Variants in OTOGL observed in about 807,000 individuals in gnomAD.
OTOGL encodes the protein otogelin-like protein.
Under a neutral mutation model 318.5 loss-of-function variants are expected in OTOGL, and 285 were observed. The ratio of observed to expected loss-of-function variants is 0.89; its 90% CI spans 0.81 to 0.99. OTOGL has a LOEUF of 0.99. Among genes scored for constraint, OTOGL ranks in the 50% least tolerant of loss-of-function variants. The pLI, the probability that OTOGL is intolerant of heterozygous loss-of-function variation, is 0.00. For synonymous variants in OTOGL, 987 were observed against 936.5 expected (o/e 1.05, Z -0.99); for missense variants, 2,899 against 2,845.6 (o/e 1.02, Z -0.43).
chr12:80,207,376 T>C (rs930760374), intron 1 of OTOGL, among the ~76,000 whole-genome samples: 2 of 152,098 alleles, frequency 1.3e-5, no homozygotes, highest in Non-Finnish European at 2.9e-5. Context: ...TATTTTGTTT[T>C]GTATTTTTAG....
At chr12:80,323,509 T>C (rs757136818) in intron 34 of OTOGL, among the ~76,000 whole-genome samples, 3 of 151,962 alleles carry the variant, frequency 2.0e-5, no homozygotes, top group Non-Finnish European at 4.4e-5. Context: ...ATTAACTGGG[T>C]GTGGTGGCAT....
intron 25 of OTOGL, among the ~76,000 whole-genome samples, chr12:80,278,653 T>C (rs1330304101): frequency 1.3e-5 from 2 of 151,572 alleles, no homozygotes; most frequent in East Asian, 1.9e-4. Context: ...CCCTAAAATA[T>C]GGACAAAGAT....
At chr12:80,144,305 G>A (rs1390771093) in intron 1 of OTOGL, among the ~76,000 whole-genome samples, 1 of 151,630 alleles carries the variant, frequency 6.6e-6, no homozygotes, top group Non-Finnish European at 1.5e-5. Flanking sequence ...AATATGCGGT[G>A]TTTGGTTTTT....
At chr12:80,136,362 G>A (rs911864875) in intron 1 of OTOGL, among the ~76,000 whole-genome samples, 11 of 152,106 alleles carry the variant, frequency 7.2e-5, no homozygotes, top group South Asian at 2.1e-4. Context: ...CCTTTGCTCC[G>A]CTATTCTGGT....
chr12:80,347,914 G>A (rs1245195762), intron 44 of OTOGL, among the ~76,000 whole-genome samples: 2 of 152,158 alleles, frequency 1.3e-5, no homozygotes, highest in Non-Finnish European at 2.9e-5. Context: ...CCGCATAAAT[G>A]TCTTCTTTTG....
At chr12:80,296,537 A>C (rs1356335623) in intron 26 of OTOGL, among the ~76,000 whole-genome samples, 1 of 152,200 alleles carries the variant, frequency 6.6e-6, no homozygotes, top group Non-Finnish European at 1.5e-5. Flanking sequence ...TTATTTATTG[A>C]TAAATAAAAT....
chr12:80,110,063 CT>C (rs1436952147), intron 1 of OTOGL, among the ~76,000 whole-genome samples: 15 of 132,554 alleles, frequency 1.1e-4, no homozygotes, highest in Non-Finnish European at 2.1e-4. Context: ...TTTTTTCTTT[CT>C]TTCTTTTTTT....
At chr12:80,361,116 G>A (rs1252732923) in intron 52 of OTOGL, 1 of 150,914 alleles carries the variant, frequency 6.6e-6, no homozygotes, top group Non-Finnish European at 1.5e-5. Context: ...GCATCCTTTG[G>A]CCAACATGTC....
intron 8 of OTOGL, among the ~76,000 whole-genome samples, chr12:80,230,459 G>C (rs1211855011): frequency 1.3e-5 from 2 of 152,122 alleles, no homozygotes; most frequent in Non-Finnish European, 2.9e-5. Flanking sequence ...TAGTCATTTA[G>C]GATTCTCTAT....
chr12:80,156,648 G>A lies in OTOGL; in HGVS notation c.-19-52765G>A, dbSNP rs115024308. Among the ~76,000 whole-genome samples the A allele has an allele frequency of 3.5e-3, 529 of 152,232 alleles. 4 individuals carry two copies. Among genetic ancestry groups the A allele is most frequent in the African/African-American group, 0.012 (506 of 41,530 alleles). ...TCATGAGATCTGATCATTTTATAAC[G>A]AGGAGTTCCCCAGCACAAATTCCCT... On this transcript the variant is annotated intron_variant, in intron 1 of 58. Transcript: ENST00000547103.
chr12:80,253,558 C>A lies in OTOGL; in HGVS notation c.1378C>A (p.Gln460Lys), dbSNP rs1352234401. The change falls in exon 14 of 59, where the codon CAA becomes AAA. Residue 460 changes from glutamine to lysine, a missense_variant. This residue lies in a region of OTOGL where 2,607 missense variants were observed against 2,524.9 expected (regional missense o/e 1.03). Coordinates refer to ENST00000547103, the MANE Select transcript of OTOGL (RefSeq NM_001378609.3). ...TTATTCAGTTGGTTCAAAAATTGAA[C>A]AAGAATGTACTGAATGGTATGTGAT... Reference protein sequence around the residue: ...LAYSVGSKIEQECTECVCVGG... With the variant: ...LAYSVGSKIEKECTECVCVGG... 1.9e-6 allele frequency: 3 copies of A among 1,608,384 alleles called. No individual in the cohort carries two copies. The highest frequency in any genetic ancestry group is 4.5e-5 in the East Asian group (2 of 44,822).
rs1889799791 is a variant in OTOGL, at chr12:80,355,224, C to CTTTCTTTTTTTTTTTTTTTTTT, written c.5594-509_5594-508insCTTTTTTTTTTTTTTTTTTTTT. ...ACTTTTTTCTTTTCTTTCTTTCTTT[C>CTTTCTTTTTTTTTTTTTTTTTT]TTTTCTTTTTTTTTTTTTTTTTTTG... On this transcript the variant is annotated intron_variant, in intron 46 of 58. Transcript: ENST00000547103. Among the ~76,000 whole-genome samples the CTTTCTTTTTTTTTTTTTTTTTT allele has an allele frequency of 3.0e-5, 2 of 65,602 alleles. 1 individual carries two copies. Among genetic ancestry groups the CTTTCTTTTTTTTTTTTTTTTTT allele is most frequent in the African/African-American group, 1.2e-4 (2 of 16,554 alleles). 43.0% of individuals were successfully genotyped at this position (65,602 alleles called of 152,430 possible).
intron 27 of OTOGL, among the ~76,000 whole-genome samples, chr12:80,300,631 T>C (rs1040783958): frequency 6.6e-6 from 1 of 152,102 alleles, no homozygotes; most frequent in Non-Finnish European, 1.5e-5. Context: ...AGAAGAGCAT[T>C]GTGCTGTCTT....
chr12:80,229,149 G>C, intron 7 of OTOGL, 108 bp from the exon 8 acceptor site: 2 of 1,253,378 alleles, frequency 1.6e-6, no homozygotes, highest in Non-Finnish European at 2.2e-6. Flanking sequence ...ACGTTGTAAA[G>C]TGTCATGGGA....
intron 32 of OTOGL, among the ~76,000 whole-genome samples, chr12:80,315,519 A>G (rs1024664280): frequency 6.6e-6 from 1 of 152,158 alleles, no homozygotes; most frequent in Non-Finnish European, 1.5e-5. Context: ...CTCAAAACCT[A>G]ATTCAGACAA....
intron 1 of OTOGL, chr12:80,133,662 GA>G (rs1220083266): frequency 1.0e-4 from 15 of 147,610 alleles, no homozygotes; most frequent in East Asian, 2.0e-4. Flanking sequence ...GTGTGATCAA[GA>G]AAAAAAAAAG....
intron 57 of OTOGL, among the ~76,000 whole-genome samples, chr12:80,376,075 A>G (rs1480079943): frequency 1.3e-5 from 2 of 152,090 alleles, no homozygotes; most frequent in Non-Finnish European, 2.9e-5. Context: ...TTTAAAAAAA[A>G]GAGGACAGAG....
intron 1 of OTOGL, among the ~76,000 whole-genome samples, chr12:80,166,371 T>C (rs1262817417): frequency 6.6e-6 from 1 of 152,196 alleles, no homozygotes; most frequent in Non-Finnish European, 1.5e-5. Context: ...TTTTCACAAA[T>C]TATTTTCATT....
At chr12:80,356,680 A>G (rs1592750875) in intron 48 of OTOGL, 127 bp from the exon 49 acceptor site, 1 of 589,380 alleles carries the variant, frequency 1.7e-6, no homozygotes, top group South Asian at 4.3e-5. Context: ...TTTCATATAT[A>G]TGTATATATA....
Sources: gnomAD v4.1 joint callset for allele counts (sites outside exome capture counted in the v4.1 genomes callset) on GRCh38, gnomAD v4.1.1 for gene constraint, gnomAD v4.1.1 regional missense constraint, MANE v1.5 for transcripts, NCBI Gene and HGNC (gene_info 2026-07-23, HGNC 2026-07-21) for gene names.